Variants in KSR1 observed in about 807,000 individuals in gnomAD.
The protein encoded by KSR1 is kinase suppressor of ras 1.
A neutral mutation model predicts 92.9 loss-of-function variants in KSR1; 35 were observed. The observed-to-expected ratio is 0.38, with a 90% CI of 0.29 to 0.50. The LOEUF is 0.50. KSR1 is among the 20% of genes least tolerant of loss of function. The pLI is 0.94. For synonymous variants in KSR1, 467 were observed against 472.6 expected (o/e 0.99, Z 0.15); for missense variants, 972 against 1,158.5 (o/e 0.84, Z 2.34).
At chr17:27,606,853 A>G (rs1163736458) in intron 14 of KSR1, among the ~76,000 whole-genome samples, 4 of 152,046 alleles carry the variant, frequency 2.6e-5, no homozygotes, top group Non-Finnish European at 5.9e-5. Flanking sequence ...GATAAACTAG[A>G]CAGGGTCTCG....
intron 5 of KSR1, among the ~76,000 whole-genome samples, chr17:27,586,545 C>T (rs1025861945): frequency 6.6e-6 from 1 of 152,152 alleles, no homozygotes; most frequent in Non-Finnish European, 1.5e-5. Context: ...ACTTCCCTCC[C>T]TTAGTGCCCG....
Position 27,456,748 on chromosome 17 carries a change from C to G in KSR1, c.105C>G (p.Ser35Arg). 1.3e-6 allele frequency: 2 copies of G among 1,507,876 alleles called. No homozygotes were observed. The highest frequency in any genetic ancestry group is 2.3e-5 in the East Asian group (1 of 44,022). The allele number at this position is 1,507,876 out of a possible 1,614,324, so 93.4% of individuals were successfully genotyped here. The change falls in exon 1 of 21, where the codon AGC becomes AGG. Residue 35 changes from serine to arginine, a missense_variant. Physicochemically the swap from Ser to Arg is moderately radical, Grantham distance 110. This residue lies in a region of KSR1 where 19 missense variants were observed against 60.3 expected (regional missense o/e 0.32). Coordinates refer to ENST00000644974, the MANE Select transcript of KSR1 (RefSeq NM_001394583.1). ...AAEGGAGAAA[S>R]RALQQCGQLQ... The stretch of plus-strand genomic sequence containing the variant: ...AGGGAGGCGCAGGGGCCGCGGCCAG[C>G]CGGGCGCTGCAGCAGTGCGGGCAGC...
Position 27,605,512 on chromosome 17 carries a change from C to T in KSR1, c.1693C>T (p.Pro565Ser), listed in dbSNP as rs755383486. The change falls in exon 14 of 21, where the codon CCC becomes TCC. Residue 565 changes from proline to serine, a missense_variant. By Grantham distance (74) the Pro-to-Ser change is moderately conservative. Transcript: ENST00000644974. ...EVDDLPSSRR[P>S]WRGPISRKAS... ...GGACGACTTGCCGAGCTCTCGCCGGCCCTGGCGGGGCCCCATCTCTCGCAA... is the reference window on the plus strand; with the variant it reads ...GGACGACTTGCCGAGCTCTCGCCGGTCCTGGCGGGGCCCCATCTCTCGCAA... 5 of 1,600,836 alleles carry T rather than the reference C, an allele frequency of 3.1e-6. No individual in the cohort carries two copies. Among genetic ancestry groups the T allele is most frequent in the Non-Finnish European group, 3.4e-6 (4 of 1,174,682 alleles).
At chr17:27,589,594 A>G (rs947791086) in intron 6 of KSR1, among the ~76,000 whole-genome samples, 1 of 152,136 alleles carries the variant, frequency 6.6e-6, no homozygotes, top group Non-Finnish European at 1.5e-5. Context: ...TACTTCCTAA[A>G]TACTGTTGGC....
At chr17:27,499,140 C>T (rs897205514) in intron 1 of KSR1, among the ~76,000 whole-genome samples, 30 of 152,202 alleles carry the variant, frequency 2.0e-4, no homozygotes, top group South Asian at 6.2e-4. Context: ...AACAAGGGTG[C>T]GATCAGCCTG....
At chr17:27,594,539 C>A (rs571668483) in intron 9 of KSR1, among the ~76,000 whole-genome samples, 1 of 152,258 alleles carries the variant, frequency 6.6e-6, no homozygotes, top group African/African-American at 2.4e-5. Flanking sequence ...GCCCCTCCTG[C>A]GTGCACCTGC....
At chr17:27,601,915 G>C (rs1270057418) in intron 11 of KSR1, 1 of 1,609,734 alleles carries the variant, frequency 6.2e-7, no homozygotes, top group South Asian at 1.1e-5. Context: ...GCCATTGCTG[G>C]AAATGCCTCC....
At chr17:27,498,204 C>T (rs1213123620) in intron 1 of KSR1, among the ~76,000 whole-genome samples, 4 of 151,904 alleles carry the variant, frequency 2.6e-5, no homozygotes, top group Non-Finnish European at 5.9e-5. Flanking sequence ...GTGGCGGGCG[C>T]CTGTGGTCCC....
intron 20 of KSR1, 110 bp downstream of exon 20, chr17:27,621,383 A>G (rs2074219289): frequency 2.5e-6 from 1 of 396,136 alleles, no homozygotes; most frequent in Non-Finnish European, 4.4e-6. Context: ...TGTGTCATTT[A>G]TTCTCGCAAA....
chr17:27,506,274 T>G (rs560209009), intron 1 of KSR1, among the ~76,000 whole-genome samples: 1 of 152,208 alleles, frequency 6.6e-6, no homozygotes, highest in Non-Finnish European at 1.5e-5. Context: ...CTTGCTTAAG[T>G]GAATTTTAGT....
chr17:27,592,348 C>G lies in KSR1; in HGVS notation c.1131-13C>G. 1 of 1,613,326 alleles carries G rather than the reference C, an allele frequency of 6.2e-7. No homozygotes were observed. ...TGTGGTGCTTTGCACACCAACCTCC[C>G]CTTCTTTACCAGGTTGAAGTGTCAC... On this transcript the variant is annotated splice_polypyrimidine_tract_variant and intron_variant, in intron 7 of 20. Transcript: ENST00000644974.
intron 10 of KSR1, among the ~76,000 whole-genome samples, chr17:27,599,372 A>T (rs1394826284): frequency 6.6e-6 from 1 of 152,260 alleles, no homozygotes; most frequent in Non-Finnish European, 1.5e-5. Context: ...AGCCTGGCCA[A>T]CATGGTGAAA....
chr17:27,547,900 G>A (rs1348480683), intron 1 of KSR1, among the ~76,000 whole-genome samples: 4 of 151,690 alleles, frequency 2.6e-5, no homozygotes, highest in African/African-American at 7.3e-5. Context: ...TTTAGTAGAG[G>A]CAGCATTTCA....
intron 14 of KSR1, 147 bp downstream of exon 14, chr17:27,605,960 T>C (rs925994382): frequency 2.1e-6 from 2 of 941,104 alleles, no homozygotes; most frequent in Non-Finnish European, 3.2e-6. Context: ...AACTTCCTAA[T>C]CACATAACCG....
intron 1 of KSR1, among the ~76,000 whole-genome samples, chr17:27,529,993 A>T (rs1416812337): frequency 6.6e-6 from 1 of 152,194 alleles, no homozygotes; most frequent in Non-Finnish European, 1.5e-5. Context: ...CTGGGTAACT[A>T]GTGGGTACTC....
intron 9 of KSR1, among the ~76,000 whole-genome samples, chr17:27,593,678 C>A (rs1047993916): frequency 1.3e-5 from 2 of 152,236 alleles, no homozygotes; most frequent in African/African-American, 4.8e-5. Flanking sequence ...TCTCGTTTCC[C>A]TCTGGTGGTA....
At chr17:27,501,398 G>T (rs35470136) in intron 1 of KSR1, among the ~76,000 whole-genome samples, 51 of 136,174 alleles carry the variant, frequency 3.7e-4, no homozygotes, top group Middle Eastern at 4.5e-3. Context: ...TCAGGCTGCA[G>T]AAATTTGCAT....
At chr17:27,554,428 A>G (rs897291179) in intron 2 of KSR1, among the ~76,000 whole-genome samples, 8 of 152,180 alleles carry the variant, frequency 5.3e-5, no homozygotes, top group African/African-American at 1.9e-4. Flanking sequence ...GTTGCTCCCC[A>G]TTGCTCGCAT....
intron 1 of KSR1, among the ~76,000 whole-genome samples, chr17:27,521,779 C>T (rs1053735634): frequency 2.0e-5 from 3 of 152,176 alleles, no homozygotes; most frequent in African/African-American, 7.2e-5. Context: ...AACCAGGTCT[C>T]CTGACGTCTG....
Sources: gnomAD v4.1 joint callset for allele counts (sites outside exome capture counted in the v4.1 genomes callset) on GRCh38, gnomAD v4.1.1 for gene constraint, gnomAD v4.1.1 regional missense constraint, MANE v1.5 for transcripts, NCBI Gene and HGNC (gene_info 2026-07-23, HGNC 2026-07-21) for gene names.